The following MAP2K2 variants were observed in gnomAD, a reference collection of about 807,000 sequenced individuals.
The protein encoded by MAP2K2 is mitogen-activated protein kinase kinase 2, also known as dual specificity mitogen-activated protein kinase kinase 2.
MAP2K2 carries 24 observed loss-of-function variants against 43.7 expected under a neutral mutation model. The observed-to-expected ratio is 0.55, with a 90% CI of 0.40 to 0.77. The LOEUF is 0.77. Ranked by LOEUF, MAP2K2 falls within the 30% of genes least tolerant of loss-of-function variation. The pLI, the probability that MAP2K2 is intolerant of heterozygous loss-of-function variation, is 0.00. For missense variants in MAP2K2, 470 were observed against 566.8 expected (o/e 0.83, Z 1.73); for synonymous variants, 244 against 239.7 (o/e 1.02, Z -0.17).
intron 1 of MAP2K2, among the ~76,000 whole-genome samples, chr19:4,119,108 C>T (rs2041262620): frequency 6.6e-6 from 1 of 152,216 alleles, no homozygotes; most frequent in Non-Finnish European, 1.5e-5. Flanking sequence ...GATTACAGCT[C>T]ACTGCAGCCT....
Position 4,099,411 on chromosome 19 carries a change from C to G in MAP2K2, c.709G>C (p.Glu237Gln), listed in dbSNP as rs2145050561. The G allele has an allele frequency of 6.2e-7, 1 of 1,601,042 alleles. No homozygotes were observed. The highest frequency in any genetic ancestry group is 8.5e-7 in the Non-Finnish European group (1 of 1,173,826). ...FVGTRSYMAP[E>Q]RLQGTHYSVQ... ...GAGTAATGTGTGCCCTGCAACCGCT[C>G]CGGCTGCAGCAGAGCCAGGGAGGAA... is the stretch of plus-strand genomic sequence containing the variant. Residue 237 changes from glutamate (E) to glutamine (Q), a missense_variant, in exon 7 of 11, where the codon GAG (glutamate) becomes CAG (glutamine). Glu to Gln is a conservative substitution (Grantham distance 29). Transcript: ENST00000262948.
chr19:4,102,770 G>A (rs754534676), intron 3 of MAP2K2: 106 of 1,274,338 alleles, frequency 8.3e-5, no homozygotes, highest in South Asian at 4.9e-4. Flanking sequence ...CCCAAGCCGC[G>A]GCCGGGGGCT....
chr19:4,100,944 G>T, intron 6 of MAP2K2, 75 bp downstream of exon 6: 1 of 1,522,832 alleles, frequency 6.6e-7, no homozygotes, highest in Non-Finnish European at 8.9e-7. Flanking sequence ...GAGCTGGCTG[G>T]CAGAGCTGGG....
intron 1 of MAP2K2, among the ~76,000 whole-genome samples, chr19:4,120,305 C>A (rs2145084383): frequency 6.6e-6 from 1 of 152,282 alleles, no homozygotes; most frequent in African/African-American, 2.4e-5. Context: ...TGAATAACAT[C>A]AATGAATAAA....
At chr19:4,095,279 G>T in intron 9 of MAP2K2, 109 bp downstream of exon 9, 3 of 949,068 alleles carry the variant, frequency 3.2e-6, no homozygotes, top group Non-Finnish European at 4.9e-6. Context: ...GCCTAACGCT[G>T]CACTGGGATT....
At chr19:4,102,654 G>A in intron 3 of MAP2K2, 1 of 969,020 alleles carries the variant, frequency 1.0e-6, no homozygotes, top group Non-Finnish European at 1.5e-6. Flanking sequence ...ACAAGGTGGG[G>A]AAGGAACAGG....
chr19:4,121,406 C>T (rs1038267467), intron 1 of MAP2K2, among the ~76,000 whole-genome samples: 2 of 151,588 alleles, frequency 1.3e-5, no homozygotes, highest in African/African-American at 4.9e-5. Context: ...CCTCACACTT[C>T]CAGCTTCAGG....
chr19:4,105,837 A>C (rs1005826219), intron 3 of MAP2K2, among the ~76,000 whole-genome samples: 4 of 151,154 alleles, frequency 2.6e-5, no homozygotes, highest in African/African-American at 7.3e-5. Context: ...ATGTCCTGCT[A>C]ATTTTTTGTA....
At position 4,102,625 on chromosome 19, in the gene MAP2K2, T is replaced by C. The variant is rs2289858; in HGVS notation, c.451-172A>G. 0.076 allele frequency: 68,322 copies of C among 898,570 alleles called. 3,165 individuals carry two copies. Among genetic ancestry groups the C allele is most frequent in the East Asian group, 0.16 (6,038 of 37,624 alleles). The allele number at this position is 898,570 out of a possible 1,614,324, so 55.7% of individuals were successfully genotyped here. On this transcript the variant is annotated intron_variant, in intron 3 of 10. Coordinates refer to ENST00000262948, the MANE Select transcript of MAP2K2 (RefSeq NM_030662.4). The stretch of plus-strand genomic sequence containing the variant: ...GGGCGTCTTCTGACAGTTCTGCCTT[T>C]GGGTCTGAACACCCACCCACAAGGT...
chr19:4,103,204 T>C (rs2041039641), intron 3 of MAP2K2: 2 of 987,018 alleles, frequency 2.0e-6, no homozygotes, highest in African/African-American at 1.7e-5. Flanking sequence ...CCGGGCATCC[T>C]GCGGAGGGCC....
Position 4,101,365 on chromosome 19 carries a change from C to T in MAP2K2, c.529-85G>A, listed in dbSNP as rs995582745. 94 of 1,451,436 alleles carry T rather than the reference C, an allele frequency of 6.5e-5. 1 individual carries two copies. Among genetic ancestry groups the T allele is most frequent in the Non-Finnish European group, 8.6e-5 (91 of 1,057,674 alleles). 89.9% of individuals were successfully genotyped at this position (1,451,436 alleles called of 1,614,324 possible). On this transcript the variant is annotated intron_variant, in intron 4 of 10. Coordinates refer to ENST00000262948, the MANE Select transcript of MAP2K2 (RefSeq NM_030662.4). The surrounding 1 kb of genome is among the most constrained non-coding windows in gnomAD (Gnocchi z 6.3). ...AGCCCGGGGGTCAGAGCTGAGCAGTCAGAGCTGGAGCGAGGGAGCTGCGGC... is the reference window on the plus strand; with the variant it reads ...AGCCCGGGGGTCAGAGCTGAGCAGTTAGAGCTGGAGCGAGGGAGCTGCGGC...
rs1334407984 is a variant in MAP2K2, at chr19:4,101,249, T to C, written c.560A>G (p.Lys187Arg). The C allele has an allele frequency of 6.3e-7, 1 of 1,587,446 alleles. No individual in the cohort carries two copies. The highest frequency in any genetic ancestry group is 8.6e-7 in the Non-Finnish European group (1 of 1,167,870). Residue 187 changes from lysine to arginine, a missense_variant, in exon 5 of 11, where the codon AAG becomes AGG. Physicochemically the swap from Lys to Arg is conservative, Grantham distance 26 (BLOSUM62 2). This residue lies in a region of MAP2K2 where 200 missense variants were observed against 297.9 expected (regional missense o/e 0.67). Coordinates refer to ENST00000262948, the MANE Select transcript of MAP2K2 (RefSeq NM_030662.4). The surrounding 1 kb of genome is among the most constrained non-coding windows in gnomAD (Gnocchi z 6.3). The stretch of plus-strand genomic sequence containing the variant: ...CTTACCTCGGTGCATGATCTGGTGC[T>C]TCTCTCGGAGGTACGCCAAGCCCCG... The part of the protein sequence containing the change: ...VLRGLAYLRE[K>R]HQIMHRDVKP...
intron 1 of MAP2K2, among the ~76,000 whole-genome samples, chr19:4,120,849 G>A (rs1454604736): frequency 6.7e-6 from 1 of 150,312 alleles, no homozygotes; most frequent in South Asian, 2.1e-4. Flanking sequence ...TGTGAAGGGC[G>A]AGTTCTGTGC....
intron 3 of MAP2K2, among the ~76,000 whole-genome samples, chr19:4,108,611 T>G (rs1240335907): frequency 6.6e-6 from 1 of 152,052 alleles, no homozygotes; most frequent in African/African-American, 2.4e-5. Context: ...TGTGTCTCCC[T>G]CCTGCAGCCT....
Position 4,101,046 on chromosome 19 carries a change from G to A in MAP2K2, c.678C>T (p.Ser226=), listed in dbSNP as rs200874968. 647 of 1,575,772 alleles carry A rather than the reference G, an allele frequency of 4.1e-4. 1 individual carries two copies. The highest frequency in any genetic ancestry group is 5.3e-4 in the Non-Finnish European group (612 of 1,161,244). The change falls in exon 6 of 11, where the codon TCC becomes TCT. Residue 226 remains serine (S), a synonymous_variant. Coordinates refer to ENST00000262948, the MANE Select transcript of MAP2K2 (RefSeq NM_030662.4). This position sits in a 1 kb window ranked among gnomAD's most constrained non-coding sequence, Gnocchi z 6.3. ...SGQLIDSMAN[S]FVGTRSYMAP... ...CCATGTAGGAGCGCGTGCCCACGAA[G>A]GAGTTGGCCATGGAGTCGATGAGCT...
intron 1 of MAP2K2, among the ~76,000 whole-genome samples, chr19:4,121,831 C>CA (rs1467947652): frequency 3.7e-5 from 2 of 53,438 alleles, no homozygotes; most frequent in Non-Finnish European, 7.4e-5. Context: ...CCCTGACCCC[C>CA]CCAAAGTCCC....
chr19:4,117,391 C>T (rs2041235665), intron 2 of MAP2K2, 28 bp downstream of exon 2: 7 of 1,606,716 alleles, frequency 4.4e-6, no homozygotes, highest in Non-Finnish European at 4.2e-6. Flanking sequence ...CCACCACTCC[C>T]CGACCTCCCC....
rs530982521 is a variant in MAP2K2 at position 4,109,034 on chromosome 19, T to C, written c.450+1475A>G. Among the ~76,000 whole-genome samples the C allele has an allele frequency of 2.9e-4, 44 of 152,282 alleles. 1 individual carries two copies. The highest frequency in any genetic ancestry group is 2.9e-3 in the Admixed American group (44 of 15,296). ...CGGGTGCTGCCTTGCTCGGGTCACATGGCTACGTGGGGGCCTTGCTCAAAT... is the reference window on the plus strand; with the variant it reads ...CGGGTGCTGCCTTGCTCGGGTCACACGGCTACGTGGGGGCCTTGCTCAAAT... On this transcript the variant is annotated intron_variant, in intron 3 of 10. Coordinates refer to ENST00000262948, the MANE Select transcript of MAP2K2 (RefSeq NM_030662.4).
chr19:4,100,112 G>A (rs2040981423), intron 6 of MAP2K2: 1 of 152,470 alleles, frequency 6.6e-6, no homozygotes, highest in Non-Finnish European at 1.5e-5. Context: ...CGGGCGTGGT[G>A]GCGAGCGCCT....
Sources: gnomAD v4.1 joint callset for allele counts (sites outside exome capture counted in the v4.1 genomes callset) on GRCh38, gnomAD v4.1.1 for gene constraint, gnomAD v4.1.1 regional missense constraint, Gnocchi (gnomAD v3.1) non-coding constraint, MANE v1.5 for transcripts, NCBI Gene and HGNC (gene_info 2026-07-23, HGNC 2026-07-21) for gene names.